BPTF: variants seen among roughly 807,000 people sequenced by gnomAD.
The protein encoded by BPTF is nucleosome-remodeling factor subunit BPTF.
BPTF carries 18 observed loss-of-function variants against 292.5 expected under a neutral mutation model. That is an observed-to-expected ratio of 0.06 (90% CI 0.04 to 0.09). The LOEUF is 0.09. Among genes scored for constraint, BPTF ranks in the 10% least tolerant of loss-of-function variants. BPTF has a pLI of 1.00. For synonymous variants in BPTF, 1,225 were observed against 1,251.9 expected, an observed-to-expected ratio of 0.98 and a Z score of 0.45; for missense variants, 2,726 against 3,498.7, an observed-to-expected ratio of 0.78 and a Z score of 5.57.
chr17:67,886,349 G>A (rs1208779916), intron 4 of BPTF: 1 of 1,398,366 alleles, frequency 7.2e-7, no homozygotes, highest in Admixed American at 2.4e-5. Context: ...CCTTTAAAGG[G>A]AAGTTTTTTC....
chr17:67,930,535 G>C (rs1214890109), intron 17 of BPTF, among the ~76,000 whole-genome samples: 5 of 152,152 alleles, frequency 3.3e-5, no homozygotes, highest in Admixed American at 6.5e-5. Context: ...TATGGAAAAG[G>C]CTTAAAGTTT....
chr17:67,916,570 A>G (rs1249301373), intron 11 of BPTF, among the ~76,000 whole-genome samples: 1 of 152,022 alleles, frequency 6.6e-6, no homozygotes, highest in Non-Finnish European at 1.5e-5. Context: ...AGCCTGAGCG[A>G]CAAGAGCAAA....
rs540335519 is a variant in BPTF at position 67,924,490 on chromosome 17, A to C, written c.5709-57A>C. 3.1e-4 allele frequency: 470 copies of C among 1,513,262 alleles called. 3 individuals carry two copies. In the East Asian group the frequency reaches 7.0e-3, roughly 22 times the overall value. The allele number at this position is 1,513,262 out of a possible 1,614,324, so 93.7% of individuals were successfully genotyped here. Reference sequence around the variant, plus strand: ...AAATCAACCAGATTTCACTCTTATTAGATGCCAGATGCCTAACAGGCTAGT... The same window carrying C: ...AAATCAACCAGATTTCACTCTTATTCGATGCCAGATGCCTAACAGGCTAGT... On this transcript the variant is annotated intron_variant, in intron 14 of 27. Transcript: ENST00000306378.
chr17:67,915,295 A>C (rs1370618200), intron 11 of BPTF, among the ~76,000 whole-genome samples: 1 of 152,170 alleles, frequency 6.6e-6, no homozygotes, highest in Admixed American at 6.5e-5. Context: ...GTGCTGCCAG[A>C]AAGATTCTCC....
At chr17:67,926,513 A>G (rs2063915457) in intron 15 of BPTF, among the ~76,000 whole-genome samples, 1 of 150,796 alleles carries the variant, frequency 6.6e-6, no homozygotes, top group Non-Finnish European at 1.5e-5. Context: ...TTTAGTAGAG[A>G]CGGGGTTTCA....
At chr17:67,949,951 T>G (rs1598859390) in intron 23 of BPTF, among the ~76,000 whole-genome samples, 1 of 146,328 alleles carries the variant, frequency 6.8e-6, no homozygotes, top group African/African-American at 2.5e-5. Flanking sequence ...TAGTTAGGAG[T>G]CTGAGGTGGG....
intron 25 of BPTF, chr17:67,965,767 G>GAC (rs2148425593): frequency 6.6e-6 from 1 of 150,934 alleles, no homozygotes; most frequent in East Asian, 2.0e-4. Context: ...ATGTACTGAA[G>GAC]ACACAGAAAG....
rs576354108 is a variant in BPTF at position 67,964,559 on chromosome 17, C to G, written c.8454+155C>G. On this transcript the variant is annotated intron_variant, in intron 25 of 27. Coordinates refer to ENST00000306378, the MANE Select transcript of BPTF (RefSeq NM_182641.4). ...CTAACAAACTGCAGTCCTTCACGTA[C>G]CAGTGCCATGAGCTTTACCATATCC... Among the ~76,000 whole-genome samples the G allele has an allele frequency of 2.0e-5, 3 of 152,306 alleles. No individual in the cohort carries two copies. In the East Asian group the frequency reaches 5.8e-4, roughly 29 times the overall value.
chr17:67,859,531 G>A (rs2058948179), intron 2 of BPTF, among the ~76,000 whole-genome samples: 1 of 152,178 alleles, frequency 6.6e-6, no homozygotes, highest in African/African-American at 2.4e-5. Flanking sequence ...ATTTGCCCAA[G>A]ACCCTGTGGC....
At chr17:67,884,744 CT>C (rs2060643595) in intron 4 of BPTF, among the ~76,000 whole-genome samples, 1 of 151,912 alleles carries the variant, frequency 6.6e-6, no homozygotes, top group Admixed American at 6.6e-5. Flanking sequence ...GTTTCTGGGT[CT>C]TTTGCCATTT....
chr17:67,945,652 C>T lies in BPTF; in HGVS notation c.6944C>T (p.Pro2315Leu), dbSNP rs1555674460. Residue 2315 changes from proline (P) to leucine (L), a missense_variant, in exon 21 of 28, where the codon CCC becomes CTC. This residue lies in a region of BPTF where 570 missense variants were observed against 633.5 expected (regional missense o/e 0.90). Coordinates refer to ENST00000306378, the MANE Select transcript of BPTF (RefSeq NM_182641.4). ...TCCCATGTCCCTTCTGAAGCACAAC[C>T]CACCCACGCACAGTCATCCAAGCCC... ...VSSHVPSEAQ[P>L]THAQSSKPQV... 2 of 1,614,122 alleles carry T rather than the reference C, an allele frequency of 1.2e-6. No individual in the cohort carries two copies. Among genetic ancestry groups the T allele is most frequent in the East Asian group, 4.5e-5 (2 of 44,866 alleles).
Position 67,945,751 on chromosome 17 carries a change from A to G in BPTF, c.7043A>G (p.Gln2348Arg). The G allele has an allele frequency of 6.2e-7, 1 of 1,614,210 alleles. No individual in the cohort carries two copies. The highest frequency in any genetic ancestry group is 1.1e-5 in the South Asian group (1 of 91,080). ...CCTGTTCGTGTCCAAAGTCCATCAC[A>G]GACTCGAATACGTCCATCAACTCCA... ...QSPVRVQSPS[Q>R]TRIRPSTPSQ... The change falls in exon 21 of 28, where the codon CAG (glutamine) becomes CGG (arginine). Residue 2348 changes from glutamine to arginine, a missense_variant. Physicochemically the swap from Gln to Arg is conservative, Grantham distance 43. Around this residue, in one of 22 missense-constraint regions of BPTF, gnomAD observed 570 missense variants for 633.5 expected, o/e 0.90. Coordinates refer to ENST00000306378, the MANE Select transcript of BPTF (RefSeq NM_182641.4).
intron 4 of BPTF, chr17:67,886,352 G>GT (rs2060748862): frequency 7.2e-7 from 1 of 1,382,584 alleles, no homozygotes; most frequent in Non-Finnish European, 9.6e-7. Flanking sequence ...TTAAAGGGAA[G>GT]TTTTTTCTTT....
chr17:67,880,693 G>A (rs769003623), intron 4 of BPTF, among the ~76,000 whole-genome samples: 1 of 151,982 alleles, frequency 6.6e-6, no homozygotes, highest in East Asian at 1.9e-4. Context: ...CTGGATTGCC[G>A]TAAAGTGGCC....
rs1452039564 is a variant in BPTF, at chr17:67,865,273, CCTT to C, written c.1437-1187_1437-1185del. Among the ~76,000 whole-genome samples the C allele has an allele frequency of 4.6e-5, 7 of 152,178 alleles. No individual in the cohort carries two copies. The South Asian group carries it at 6.2e-4, about 13-fold the overall frequency. ...TTATTTATCTGTGATTTAATATAGG[CCTT>C]CTTTCTTCAGAATTACTGAATGACT... On this transcript the variant is annotated intron_variant, in intron 2 of 27. Transcript: ENST00000306378.
intron 27 of BPTF, chr17:67,981,808 C>G: frequency 6.8e-6 from 6 of 876,210 alleles, no homozygotes; most frequent in Non-Finnish European, 8.2e-6. Flanking sequence ...TTTAAGATTG[C>G]TTTTTCTTTT....
intron 26 of BPTF, chr17:67,974,162 C>G (rs1413415648): frequency 1.3e-5 from 2 of 152,172 alleles, no homozygotes; most frequent in African/African-American, 2.4e-5. Flanking sequence ...GCCTTTCACT[C>G]TCTCAGATAT....
intron 1 of BPTF, among the ~76,000 whole-genome samples, chr17:67,838,679 C>T (rs2057323143): frequency 6.6e-6 from 1 of 152,128 alleles, no homozygotes; most frequent in African/African-American, 2.4e-5. Context: ...GAGGTTTCAC[C>T]AGCCCAGGCT....
chr17:67,977,519 G>GAA (rs556143004), intron 27 of BPTF, among the ~76,000 whole-genome samples: 3 of 140,210 alleles, frequency 2.1e-5, no homozygotes, highest in Non-Finnish European at 4.7e-5. Context: ...CATCTCAGAA[G>GAA]AAAAAAAAAA....
Sources: gnomAD v4.1 joint callset for allele counts (sites outside exome capture counted in the v4.1 genomes callset) on GRCh38, gnomAD v4.1.1 for gene constraint, gnomAD v4.1.1 regional missense constraint, MANE v1.5 for transcripts, NCBI Gene and HGNC (gene_info 2026-07-23, HGNC 2026-07-21) for gene names.